NUTM2B: variants seen among roughly 807,000 people sequenced by gnomAD.
NUTM2B encodes the protein family with sequence similarity 22, member B.
In NUTM2B, 2 loss-of-function variants were observed where a neutral mutation model predicts 42.4. The ratio of observed to expected loss-of-function variants is 0.05; its 90% CI spans 0.02 to 0.15. The LOEUF is 0.15. Ranked by LOEUF, NUTM2B falls within the 10% of genes least tolerant of loss-of-function variation. The pLI is 1.00. For missense variants in NUTM2B, 58 were observed against 952.6 expected (o/e 0.06, Z 12.36); for synonymous variants, 18 against 402.4 (o/e 0.04, Z 11.43).
At chr10:79,705,278 T>G (rs1257799401) in intron 1 of NUTM2B, among the ~76,000 whole-genome samples, 1 of 148,880 alleles carries the variant, frequency 6.7e-6, no homozygotes, top group African/African-American at 2.5e-5. Flanking sequence ...TTGCTGGCTA[T>G]GCAGTGACAC....
upstream of NUTM2B, among the ~76,000 whole-genome samples, chr10:79,701,402 TGGC>T (rs1589260940): frequency 6.6e-6 from 1 of 152,004 alleles, no homozygotes; most frequent in Non-Finnish European, 1.5e-5. Context: ...GAATTCCAGT[TGGC>T]AATAAAAAAC....
upstream of NUTM2B, among the ~76,000 whole-genome samples, chr10:79,700,493 C>T (rs1840295251): frequency 6.6e-6 from 1 of 152,282 alleles, no homozygotes; most frequent in Non-Finnish European, 1.5e-5. Context: ...GGGCGTCCCG[C>T]AGGGCCCCCA....
chr10:79,693,100 G>A, the NUTM2B span, among the ~76,000 whole-genome samples: 1 of 152,124 alleles, frequency 6.6e-6, no homozygotes, highest in Admixed American at 6.5e-5. Flanking sequence ...CCGACCCCCA[G>A]CTCTCCCTGC....
chr10:79,700,686 C>T (rs955969876), upstream of NUTM2B, among the ~76,000 whole-genome samples: 5 of 152,056 alleles, frequency 3.3e-5, no homozygotes, highest in South Asian at 2.1e-4. Flanking sequence ...GAGCGAAGGC[C>T]GGTGGGTCAC....
At chr10:79,709,463 C>T (rs1400940247) in intron 3 of NUTM2B, among the ~76,000 whole-genome samples, 1 of 131,284 alleles carries the variant, frequency 7.6e-6, no homozygotes, top group South Asian at 3.2e-4. Context: ...AGGACTCCTG[C>T]ATCTGGGCAT....
intron 3 of NUTM2B, among the ~76,000 whole-genome samples, chr10:79,709,325 CAGAT>C (rs1345165598): frequency 7.4e-6 from 1 of 135,808 alleles, no homozygotes; most frequent in Non-Finnish European, 1.6e-5. Flanking sequence ...TGAAGGCAGA[CAGAT>C]AGACAGCAGC....
chr10:79,696,334 C>G, the NUTM2B span, among the ~76,000 whole-genome samples: 1 of 152,018 alleles, frequency 6.6e-6, no homozygotes, highest in Non-Finnish European at 1.5e-5. Flanking sequence ...ATGGCTACCC[C>G]AAGCCAGTAC....
intron 3 of NUTM2B, among the ~76,000 whole-genome samples, chr10:79,709,347 G>C (rs1214969550): frequency 7.3e-6 from 1 of 136,218 alleles, no homozygotes; most frequent in Non-Finnish European, 1.6e-5. Flanking sequence ...AGCCTCAGGG[G>C]AAAGGGGCCC....
At chr10:79,692,528 G>A in the NUTM2B span, among the ~76,000 whole-genome samples, 1 of 152,306 alleles carries the variant, frequency 6.6e-6, no homozygotes, top group East Asian at 1.9e-4. Flanking sequence ...CACTGGGGGA[G>A]TGCTGAGTGC....
upstream of NUTM2B, among the ~76,000 whole-genome samples, chr10:79,702,526 T>C (rs1840329957): frequency 6.6e-6 from 1 of 151,644 alleles, no homozygotes; most frequent in South Asian, 2.1e-4. Context: ...GCTGTTACAT[T>C]TTCCTGCAAC....
At chr10:79,704,239 GTGGA>G (rs1270653024) in intron 1 of NUTM2B, among the ~76,000 whole-genome samples, 1 of 88,526 alleles carries the variant, frequency 1.1e-5, no homozygotes, top group Admixed American at 1.2e-4. Context: ...AAAGGACAGA[GTGGA>G]TGGATTGATC....
upstream of NUTM2B, among the ~76,000 whole-genome samples, chr10:79,699,791 C>T (rs1283155461): frequency 6.6e-6 from 1 of 152,254 alleles, no homozygotes; most frequent in Admixed American, 6.5e-5. Flanking sequence ...CACCACCAAC[C>T]CACACATGTG....
chr10:79,699,658 G>T (rs1158157692), upstream of NUTM2B, among the ~76,000 whole-genome samples: 1 of 152,164 alleles, frequency 6.6e-6, no homozygotes, highest in Non-Finnish European at 1.5e-5. Flanking sequence ...GGTCAGGCTG[G>T]TCTCAAACTC....
At chr10:79,700,587 G>T (rs1840297661), upstream of NUTM2B, among the ~76,000 whole-genome samples, 1 of 152,120 alleles carries the variant, frequency 6.6e-6, no homozygotes, top group Admixed American at 6.5e-5. Context: ...GTGGACACTG[G>T]TGACCAGTGG....
At chr10:79,709,728 C>T (rs1440535863) in intron 3 of NUTM2B, 72 bp from the exon 4 acceptor site, 12 of 516,044 alleles carry the variant, frequency 2.3e-5, no homozygotes, top group South Asian at 1.7e-4. Context: ...TCCCTGCCCT[C>T]GGCCGCTGCC....
At chr10:79,698,205 T>C in the NUTM2B span, among the ~76,000 whole-genome samples, 62 of 148,726 alleles carry the variant, frequency 4.2e-4, 2 homozygotes, top group Admixed American at 8.7e-4. Context: ...AATACTCTAA[T>C]ATACGCACAC....
chr10:79,700,046 T>A (rs1339663082), upstream of NUTM2B, among the ~76,000 whole-genome samples: 3 of 152,244 alleles, frequency 2.0e-5, no homozygotes, highest in Non-Finnish European at 4.4e-5. Context: ...CTACTTTTTA[T>A]ATGTAAATCC....
upstream of NUTM2B, among the ~76,000 whole-genome samples, chr10:79,699,387 T>C (rs539988018): frequency 1.4e-3 from 213 of 152,090 alleles, 1 homozygote; most frequent in African/African-American, 5.0e-3. Context: ...TTACATCTCA[T>C]ATTCTCCAAA....
the NUTM2B span, among the ~76,000 whole-genome samples, chr10:79,693,091 C>T: frequency 1.3e-5 from 2 of 152,276 alleles, no homozygotes; most frequent in African/African-American, 2.4e-5. Flanking sequence ...ACTCCATTCC[C>T]GACCCCCAGC....
Sources: gnomAD v4.1 joint callset for allele counts (sites outside exome capture counted in the v4.1 genomes callset) on GRCh38, gnomAD v4.1.1 for gene constraint, MANE v1.5 for transcripts, NCBI Gene and HGNC (gene_info 2026-07-23, HGNC 2026-07-21) for gene names.